The following MAPRE2 variants were observed in gnomAD, a reference collection of about 807,000 sequenced individuals.
The protein encoded by MAPRE2 is microtubule-associated protein RP/EB family member 2.
MAPRE2 carries 13 observed loss-of-function variants against 43.2 expected under a neutral mutation model. The observed-to-expected ratio is 0.30, with a 90% CI of 0.20 to 0.48. The LOEUF (loss-of-function observed/expected upper bound fraction) is 0.48. Ranked by LOEUF, MAPRE2 falls within the 20% of genes least tolerant of loss-of-function variation. The pLI, the probability that MAPRE2 is intolerant of heterozygous loss-of-function variation, is 0.99. For missense variants in MAPRE2, 161 were observed against 400.2 expected (o/e 0.40, Z 5.10); for synonymous variants, 135 against 148.8 (o/e 0.91, Z 0.68).
intron 4 of MAPRE2, among the ~76,000 whole-genome samples, chr18:35,123,337 C>T (rs1909771171): frequency 6.6e-6 from 1 of 152,164 alleles, no homozygotes. Flanking sequence ...GGCCAGATAC[C>T]AGAACATGAG....
exon 1 of MAPRE2, chr18:34,977,050 C>T (rs1299403588): frequency 1.2e-5 from 2 of 166,538 alleles, no homozygotes; most frequent in South Asian, 1.1e-4. Flanking sequence ...CAGCTGTCAG[C>T]AGAGGAAGGA....
At chr18:35,095,735 T>C (rs934760048) in intron 2 of MAPRE2, among the ~76,000 whole-genome samples, 4 of 152,126 alleles carry the variant, frequency 2.6e-5, no homozygotes, top group African/African-American at 4.8e-5. Flanking sequence ...AAAGTGGCAA[T>C]TGGAATTTGC....
At chr18:35,104,345 G>GA (rs1282634938) in intron 4 of MAPRE2, among the ~76,000 whole-genome samples, 7 of 149,242 alleles carry the variant, frequency 4.7e-5, no homozygotes, top group Admixed American at 3.3e-4. Flanking sequence ...AAATGTGTCA[G>GA]AAAAAAATGG....
intron 2 of MAPRE2, among the ~76,000 whole-genome samples, chr18:35,015,447 G>A (rs143242004): frequency 1.2e-4 from 19 of 152,180 alleles, no homozygotes; most frequent in African/African-American, 4.3e-4. Context: ...TTACAAATGA[G>A]GAAATTGTTT....
At chr18:35,090,317 G>A (rs1256845924) in intron 2 of MAPRE2, among the ~76,000 whole-genome samples, 1 of 152,112 alleles carries the variant, frequency 6.6e-6, no homozygotes, top group Admixed American at 6.6e-5. Flanking sequence ...AGCTTTACTA[G>A]GATAAGATCT....
intron 1 of MAPRE2, among the ~76,000 whole-genome samples, chr18:35,055,535 C>CTGTGTGTGTGTGTG (rs1321118157): frequency 1.7e-4 from 10 of 60,246 alleles, no homozygotes; most frequent in Admixed American, 6.6e-4. Context: ...CTATTCAGTT[C>CTGTGTGTGTGTGTG]TCTGTGTGTG....
intron 1 of MAPRE2, among the ~76,000 whole-genome samples, chr18:34,997,908 A>T (rs983395676): frequency 1.3e-5 from 2 of 152,212 alleles, no homozygotes; most frequent in African/African-American, 4.8e-5. Flanking sequence ...AGCTATAAAC[A>T]AGTATAATTA....
intron 4 of MAPRE2, among the ~76,000 whole-genome samples, chr18:35,111,533 T>C (rs1209854608): frequency 1.3e-5 from 2 of 152,184 alleles, no homozygotes; most frequent in Non-Finnish European, 2.9e-5. Context: ...GAAGACTGGA[T>C]TTTGTTATAT....
chr18:35,057,507 C>CGTGTGTGTGTGTGT (rs58171272), intron 1 of MAPRE2, among the ~76,000 whole-genome samples: 10,330 of 149,410 alleles, frequency 0.069, 405 homozygotes, highest in South Asian at 0.092. Context: ...GGAGTGTGTG[C>CGTGTGTGTGTGTGT]GTGTGTGTGT....
chr18:34,987,563 T>TC (rs2097021666), intron 1 of MAPRE2, among the ~76,000 whole-genome samples: 1 of 152,212 alleles, frequency 6.6e-6, no homozygotes, highest in Non-Finnish European at 1.5e-5. Flanking sequence ...TAAAATATCT[T>TC]CCAGGTATGA....
At chr18:35,016,493 T>A (rs1022423844) in intron 2 of MAPRE2, among the ~76,000 whole-genome samples, 25 of 152,112 alleles carry the variant, frequency 1.6e-4, no homozygotes, top group Admixed American at 5.9e-4. Flanking sequence ...ATTTTAATAA[T>A]AGCTATTTTG....
chr18:35,120,975 C>T (rs542752919), intron 4 of MAPRE2, among the ~76,000 whole-genome samples: 2 of 152,180 alleles, frequency 1.3e-5, no homozygotes, highest in South Asian at 2.1e-4. Flanking sequence ...GAGTGGTGGC[C>T]GCCTGCATGT....
intron 2 of MAPRE2, among the ~76,000 whole-genome samples, chr18:35,013,423 T>C (rs991975729): frequency 6.6e-5 from 10 of 152,206 alleles, no homozygotes; most frequent in Non-Finnish European, 8.8e-5. Flanking sequence ...TACATATTCA[T>C]GGGGTACATA....
At chr18:35,046,504 C>T (rs1905628303) in intron 1 of MAPRE2, among the ~76,000 whole-genome samples, 1 of 152,098 alleles carries the variant, frequency 6.6e-6, no homozygotes, top group South Asian at 2.1e-4. Flanking sequence ...ACTGGCCTGG[C>T]CAGGTGTGTT....
chr18:35,065,485 G>A (rs1351540372), intron 1 of MAPRE2, among the ~76,000 whole-genome samples: 1 of 152,176 alleles, frequency 6.6e-6, no homozygotes, highest in African/African-American at 2.4e-5. Context: ...GCAGTGCTAG[G>A]AAAGTGTTCC....
chr18:35,097,735 C>T, intron 3 of MAPRE2, 144 bp downstream of exon 3: 2 of 650,730 alleles, frequency 3.1e-6, no homozygotes, highest in Non-Finnish European at 5.1e-6. Flanking sequence ...CATAAAGCAT[C>T]ACCCTAAGTT....
At chr18:35,100,770 G>A (rs1908638299) in intron 3 of MAPRE2, among the ~76,000 whole-genome samples, 1 of 152,200 alleles carries the variant, frequency 6.6e-6, no homozygotes, top group Admixed American at 6.5e-5. Flanking sequence ...GCCAGGCACA[G>A]TGGCTCACAC....
intron 1 of MAPRE2, among the ~76,000 whole-genome samples, chr18:35,044,533 G>T (rs941367687): frequency 2.0e-5 from 3 of 152,150 alleles, no homozygotes; most frequent in Non-Finnish European, 4.4e-5. Context: ...CCCAGCCTTA[G>T]GCTTTATTTT....
At chr18:35,098,710 A>G (rs1235199280) in intron 3 of MAPRE2, among the ~76,000 whole-genome samples, 1 of 152,108 alleles carries the variant, frequency 6.6e-6, no homozygotes, top group Non-Finnish European at 1.5e-5. Context: ...TGTCTTTTTC[A>G]TTCATTTCTC....
Sources: gnomAD v4.1 joint callset for allele counts (sites outside exome capture counted in the v4.1 genomes callset) on GRCh38, gnomAD v4.1.1 for gene constraint, MANE v1.5 for transcripts, NCBI Gene and HGNC (gene_info 2026-07-23, HGNC 2026-07-21) for gene names.